Variants in TMEM232 observed in about 807,000 individuals in gnomAD.
TMEM232 encodes the protein transmembrane protein 232.
Under a neutral mutation model 78.8 loss-of-function variants are expected in TMEM232, and 80 were observed. That is an observed-to-expected ratio of 1.01 (90% CI 0.85 to 1.22). The LOEUF (loss-of-function observed/expected upper bound fraction) is 1.22, where lower values mean the gene tolerates loss of function less well. Ranked by LOEUF, TMEM232 falls within the 50% of genes most tolerant of loss-of-function variation. The pLI is 0.00. For missense variants in TMEM232, 881 were observed against 742.2 expected (o/e 1.19, Z -2.17); for synonymous variants, 297 against 254.3 (o/e 1.17, Z -1.60).
At chr5:110,638,496 C>G in intron 4 of TMEM232, 141 bp from the exon 5 acceptor site, 1 of 813,366 alleles carries the variant, frequency 1.2e-6, no homozygotes. Context: ...CTCTTTGACA[C>G]CTTTCTCATC....
At chr5:110,590,624 A>T (rs1231137182) in intron 10 of TMEM232, among the ~76,000 whole-genome samples, 5 of 152,160 alleles carry the variant, frequency 3.3e-5, no homozygotes, top group African/African-American at 9.7e-5. Flanking sequence ...GTGCCAAAAA[A>T]GTTGGGGACC....
At chr5:110,630,276 A>C (rs1784948736) in intron 5 of TMEM232, among the ~76,000 whole-genome samples, 1 of 152,202 alleles carries the variant, frequency 6.6e-6, no homozygotes, top group African/African-American at 2.4e-5. Flanking sequence ...CTGCATACTC[A>C]TTCTCTCCAG....
intron 1 of TMEM232, among the ~76,000 whole-genome samples, chr5:110,735,664 A>G (rs1799083786): frequency 6.6e-6 from 1 of 152,214 alleles, no homozygotes; most frequent in African/African-American, 2.4e-5. Flanking sequence ...CCAAAAAAAT[A>G]GAACATGGCA....
chr5:110,556,130 T>C (rs1030577584), intron 11 of TMEM232, among the ~76,000 whole-genome samples: 2 of 152,176 alleles, frequency 1.3e-5, no homozygotes, highest in East Asian at 3.8e-4. Flanking sequence ...CAGTCTTTCA[T>C]TTCCATGTTT....
chr5:110,698,385 T>C (rs553969084), intron 1 of TMEM232, among the ~76,000 whole-genome samples: 1 of 151,910 alleles, frequency 6.6e-6, no homozygotes, highest in Non-Finnish European at 1.5e-5. Context: ...TGTATATATA[T>C]GTAACGAACC....
intron 1 of TMEM232, among the ~76,000 whole-genome samples, chr5:110,701,320 A>G (rs1795420992): frequency 6.6e-6 from 1 of 152,014 alleles, no homozygotes; most frequent in East Asian, 1.9e-4. Context: ...GGTGGATCCA[A>G]ATAAGCCACT....
At chr5:110,490,173 G>GAAAGAAAGAAAGAAAT (rs1764917468) in intron 12 of TMEM232, among the ~76,000 whole-genome samples, 59 of 126,452 alleles carry the variant, frequency 4.7e-4, no homozygotes, top group African/African-American at 2.2e-3. Context: ...AAGAAAGAAA[G>GAAAGAAAGAAAGAAAT]AAAGAAAGAA....
intron 10 of TMEM232, among the ~76,000 whole-genome samples, chr5:110,591,013 G>A (rs1779457287): frequency 6.6e-6 from 1 of 152,128 alleles, no homozygotes; most frequent in African/African-American, 2.4e-5. Context: ...CTCAACGTGT[G>A]GGGATTACAA....
intron 13 of TMEM232, among the ~76,000 whole-genome samples, chr5:110,421,432 T>A (rs904406444): frequency 4.0e-5 from 6 of 151,528 alleles, no homozygotes; most frequent in African/African-American, 1.2e-4. Flanking sequence ...TATATATATA[T>A]AATTAGGAGG....
intron 1 of TMEM232, among the ~76,000 whole-genome samples, chr5:110,721,673 G>GTATATATATATATATATATATATA (rs10522202): frequency 0.043 from 1,526 of 35,456 alleles, 432 homozygotes; most frequent in Non-Finnish European, 0.072. Context: ...GTGTGTGTGT[G>GTATATATATATATATATATATATA]TATATATATA....
intron 11 of TMEM232, among the ~76,000 whole-genome samples, chr5:110,553,841 TA>T (rs1481248828): frequency 1.3e-5 from 2 of 152,186 alleles, no homozygotes; most frequent in African/African-American, 4.8e-5. Flanking sequence ...AATATAATGT[TA>T]GCTGTGGGTT....
chr5:110,511,745 G>A (rs144662932), intron 12 of TMEM232, among the ~76,000 whole-genome samples: 2 of 152,184 alleles, frequency 1.3e-5, no homozygotes, highest in African/African-American at 2.4e-5. Flanking sequence ...TCACGTCTCT[G>A]ATTATGTCAC....
At chr5:110,554,461 T>C (rs1774837807) in intron 11 of TMEM232, among the ~76,000 whole-genome samples, 1 of 152,114 alleles carries the variant, frequency 6.6e-6, no homozygotes, top group African/African-American at 2.4e-5. Context: ...TTTAGATACA[T>C]ATATATGTAT....
At chr5:110,391,887 G>T (rs1452499876) in intron 3 of TMEM232, among the ~76,000 whole-genome samples, 2 of 152,166 alleles carry the variant, frequency 1.3e-5, no homozygotes, top group African/African-American at 4.8e-5. Flanking sequence ...AAATCAAATA[G>T]CGAGGTGCTT....
At position 110,463,529 on chromosome 5, in the gene TMEM232, T is replaced by C. The variant is rs1005363125; in HGVS notation, c.1704-38613A>G. Among the ~76,000 whole-genome samples, 3 of 152,218 alleles carry C rather than the reference T, an allele frequency of 2.0e-5. No individual in the cohort carries two copies. The South Asian group carries it at 6.2e-4, about 31-fold the overall frequency. On this transcript the variant is annotated intron_variant, in intron 12 of 13. Transcript: ENST00000455884. ...ATACATATCATATTTAGATGTTTAT[T>C]AGATATTCTAAACTTTATATGCTTC...
chr5:110,652,322 T>A lies in TMEM232; in HGVS notation c.126-9951A>T, dbSNP rs549322490. ...CACACACACACACACACACACACACTATCCAGGGTTTCAAATACAAATTAA... is the reference window on the plus strand; with the variant it reads ...CACACACACACACACACACACACACAATCCAGGGTTTCAAATACAAATTAA... On this transcript the variant is annotated intron_variant, in intron 2 of 13. Transcript: ENST00000455884. 9.2e-4 allele frequency among the ~76,000 whole-genome samples: 14 copies of A among 15,294 alleles called. No individual in the cohort carries two copies. The East Asian group carries it at 0.021, about 23-fold the overall frequency. The allele number at this position is 15,294 out of a possible 152,430, so 10.0% of individuals were successfully genotyped here.
At chr5:110,551,018 G>A (rs763277844) in intron 11 of TMEM232, among the ~76,000 whole-genome samples, 4 of 151,342 alleles carry the variant, frequency 2.6e-5, no homozygotes, top group Non-Finnish European at 4.4e-5. Context: ...CAGTTTAAAT[G>A]GTTTTAAAAG....
intron 1 of TMEM232, chr5:110,667,686 C>T (rs769209407): frequency 6.1e-6 from 1 of 163,258 alleles, no homozygotes; most frequent in Non-Finnish European, 1.3e-5. Context: ...TGTGCCTCAG[C>T]TTCCTCACCT....
At chr5:110,390,714 T>C (rs956044947) in intron 3 of TMEM232, 4 of 152,164 alleles carry the variant, frequency 2.6e-5, no homozygotes, top group African/African-American at 9.6e-5. Flanking sequence ...ATGAACAAAC[T>C]TACCTACTCT....
Sources: gnomAD v4.1 joint callset for allele counts (sites outside exome capture counted in the v4.1 genomes callset) on GRCh38, gnomAD v4.1.1 for gene constraint, MANE v1.5 for transcripts, NCBI Gene and HGNC (gene_info 2026-07-23, HGNC 2026-07-21) for gene names.